The following ENOX2 variants were observed in gnomAD, a reference collection of about 807,000 sequenced individuals.
ENOX2 encodes the protein APK1 antigen.
Under a neutral mutation model 45.0 loss-of-function variants are expected in ENOX2, and 36 were observed. That is an observed-to-expected ratio of 0.80 (90% CI 0.61 to 1.06). ENOX2 has a LOEUF of 1.06. Among genes scored for constraint, ENOX2 ranks in the 50% least tolerant of loss-of-function variants. The pLI is 0.00. For synonymous variants in ENOX2, 174 were observed against 152.3 expected (o/e 1.14, Z -1.05); for missense variants, 423 against 462.5 (o/e 0.91, Z 0.78).
At chrX:130,650,663 T>A (rs1319542167) in intron 10 of ENOX2, among the ~76,000 whole-genome samples, 1 of 112,189 alleles carries the variant, frequency 8.9e-6, no homozygotes, top group Non-Finnish European at 1.9e-5. Flanking sequence ...CATCATTAGT[T>A]CTTGGCTTCT....
rs1033372843 is a variant in ENOX2 at position 130,742,716 on chromosome X, T to C, written c.-38-39462A>G. 5.4e-5 allele frequency among the ~76,000 whole-genome samples: 6 copies of C among 111,955 alleles called. No homozygotes were observed. The Admixed American group carries it at 5.7e-4, about 11-fold the overall frequency. On this transcript the variant is annotated intron_variant, in intron 3 of 14. Coordinates refer to ENST00000394363, the MANE Select transcript of ENOX2 (RefSeq NM_006375.4). ...AACTAGGGTTTAGAGAGGTTTCAAA[T>C]AGCTTATCCAAAGCTACACAGCTAG...
chrX:130,898,556 T>C (rs1301829635), intron 2 of ENOX2, among the ~76,000 whole-genome samples: 3 of 110,202 alleles, frequency 2.7e-5, no homozygotes, highest in African/African-American at 9.9e-5. Context: ...TCTGTCACTC[T>C]GTACTGAGAG....
chrX:130,852,198 G>C (rs960248738), intron 2 of ENOX2, among the ~76,000 whole-genome samples: 1 of 112,343 alleles, frequency 8.9e-6, no homozygotes, highest in African/African-American at 3.2e-5. Context: ...TAGCATATGA[G>C]TTGGTTAAAA....
rs768852322 is a variant in ENOX2, at chrX:130,696,437, C to T, written c.97+6683G>A. Among the ~76,000 whole-genome samples the T allele has an allele frequency of 6.4e-4, 71 of 110,690 alleles. No homozygotes were observed. The South Asian group carries it at 0.015, about 23-fold the overall frequency. ...GATTTTGGAAATGAATAAAATTATA[C>T]CCATATTTAAGGTCACCAGCCTCTT... is the stretch of plus-strand genomic sequence containing the variant. On this transcript the variant is annotated intron_variant, in intron 4 of 14. Transcript: ENST00000394363.
At chrX:130,764,494 G>A (rs1471981518) in intron 3 of ENOX2, among the ~76,000 whole-genome samples, 1 of 105,368 alleles carries the variant, frequency 9.5e-6, no homozygotes, top group Non-Finnish European at 1.9e-5. Flanking sequence ...AAAAGGTATA[G>A]TACAGTTTTT....
At chrX:130,795,283 T>C (rs1056994089) in intron 2 of ENOX2, among the ~76,000 whole-genome samples, 2 of 111,778 alleles carry the variant, frequency 1.8e-5, no homozygotes, top group African/African-American at 6.5e-5. Context: ...CTGCCTAAGC[T>C]GAAGTCAAAC....
chrX:130,823,256 G>T (rs1294995818), intron 2 of ENOX2, among the ~76,000 whole-genome samples: 1 of 111,879 alleles, frequency 8.9e-6, no homozygotes, highest in Non-Finnish European at 1.9e-5. Context: ...GAAAAGTATA[G>T]AAATGATTTT....
At chrX:130,768,751 T>A (rs1399224639) in intron 3 of ENOX2, among the ~76,000 whole-genome samples, 3 of 111,981 alleles carry the variant, frequency 2.7e-5, no homozygotes. Context: ...TCGGGGGCTA[T>A]CCTGGATGCA....
chrX:130,738,202 C>T lies in ENOX2; in HGVS notation c.-38-34948G>A, dbSNP rs60532709. Among the ~76,000 whole-genome samples, 537 of 112,135 alleles carry T rather than the reference C, an allele frequency of 4.8e-3. 5 individuals carry two copies. Among genetic ancestry groups the T allele is most frequent in the African/African-American group, 0.017 (518 of 30,868 alleles). ...GTAGGTGTGAAATAGTTGCTTGACT[C>T]CTCTGCGGAGGTGGCAGAAATTTTA... On this transcript the variant is annotated intron_variant, in intron 3 of 14. Transcript: ENST00000394363.
At chrX:130,787,088 T>C (rs1366411262) in intron 2 of ENOX2, among the ~76,000 whole-genome samples, 4 of 103,690 alleles carry the variant, frequency 3.9e-5, no homozygotes, top group African/African-American at 1.4e-4. Flanking sequence ...TTTTTAATGA[T>C]TGCCATTCTA....
chrX:130,816,557 T>A (rs1224046973), intron 2 of ENOX2, among the ~76,000 whole-genome samples: 1 of 110,760 alleles, frequency 9.0e-6, no homozygotes, highest in Non-Finnish European at 1.9e-5. Flanking sequence ...ACAGAAATCA[T>A]AACAGTCTCT....
intron 9 of ENOX2, among the ~76,000 whole-genome samples, chrX:130,659,702 T>A (rs1381520243): frequency 8.9e-6 from 1 of 112,473 alleles, no homozygotes; most frequent in Non-Finnish European, 1.9e-5. Flanking sequence ...AAATGTAGAC[T>A]ATTGGAGAGT....
In ENOX2 at chrX:130,745,006, G is replaced by A. The variant is rs2039068238; in HGVS notation, c.-39+38541C>T. Among the ~76,000 whole-genome samples the A allele has an allele frequency of 3.6e-5, 4 of 111,503 alleles. No homozygotes were observed. The Admixed American group carries it at 3.8e-4, about 11-fold the overall frequency. On this transcript the variant is annotated intron_variant, in intron 3 of 14. Coordinates refer to ENST00000394363, the MANE Select transcript of ENOX2 (RefSeq NM_006375.4). ...ATCTAAATAATGCCTGATGATCTGA[G>A]GTGGAACAGTTTCATCCCGAGACCA...
At chrX:130,738,415 G>A (rs1237490229) in intron 3 of ENOX2, among the ~76,000 whole-genome samples, 2 of 112,163 alleles carry the variant, frequency 1.8e-5, no homozygotes. Context: ...GTAGAGGAAA[G>A]CACAGTGGAC....
chrX:130,806,079 A>G (rs960201825), intron 2 of ENOX2, among the ~76,000 whole-genome samples: 1 of 111,987 alleles, frequency 8.9e-6, no homozygotes, highest in Non-Finnish European at 1.9e-5. Flanking sequence ...AGAGTGCATT[A>G]TCATTTAAAC....
In ENOX2 at chrX:130,702,514, C is replaced by G. The variant is rs756908469; in HGVS notation, c.97+606G>C. Among the ~76,000 whole-genome samples the G allele has an allele frequency of 1.1e-4, 12 of 112,161 alleles. No individual in the cohort carries two copies. In the South Asian group the frequency reaches 1.1e-3, roughly 10 times the overall value. On this transcript the variant is annotated intron_variant, in intron 4 of 14. Transcript: ENST00000394363. ...AATTTATTGTAATAATTAATTAGCT[C>G]TCACTGTCCAGGAAGCTTTTTTGTG... is the stretch of plus-strand genomic sequence containing the variant.
At chrX:130,686,202 T>C (rs1603305916) in intron 5 of ENOX2, among the ~76,000 whole-genome samples, 1 of 110,776 alleles carries the variant, frequency 9.0e-6, no homozygotes, top group East Asian at 2.8e-4. Context: ...TAATACCCCA[T>C]GTTAGAGGTG....
At chrX:130,678,649 T>G (rs1280360477) in intron 6 of ENOX2, among the ~76,000 whole-genome samples, 1 of 111,049 alleles carries the variant, frequency 9.0e-6, no homozygotes, top group Non-Finnish European at 1.9e-5. Context: ...GAAGACTTCC[T>G]TTCCTAACAA....
chrX:130,677,030 C>T (rs1434398779), intron 6 of ENOX2, among the ~76,000 whole-genome samples: 1 of 112,087 alleles, frequency 8.9e-6, no homozygotes, highest in East Asian at 2.8e-4. Context: ...CCACTACTCA[C>T]TGTTTCCTGA....
Sources: allele counts gnomAD v4.1 joint callset (sites outside exome capture counted in the v4.1 genomes callset), GRCh38; gene constraint gnomAD v4.1.1; transcripts MANE v1.5; gene names NCBI Gene and HGNC (gene_info 2026-07-23, HGNC 2026-07-21).